The following PFKFB3 variants were observed in gnomAD, a reference collection of about 807,000 sequenced individuals.
PFKFB3 encodes the protein 6-phosphofructo-2-kinase/fructose-2,6-bisphosphatase 3.
Under a neutral mutation model 68.0 loss-of-function variants are expected in PFKFB3, and 33 were observed. That is an observed-to-expected ratio of 0.49 (90% CI 0.37 to 0.65). PFKFB3 has a LOEUF of 0.65. PFKFB3 is among the 30% of genes least tolerant of loss of function. The probability of loss-of-function intolerance (pLI) is 0.00; values close to 1 mark genes in which losing one functional copy is unlikely to be tolerated. For missense variants in PFKFB3, 586 were observed against 712.2 expected (o/e 0.82, Z 2.02); for synonymous variants, 315 against 288.2 (o/e 1.09, Z -0.94).
chr10:6,224,523 C>T (rs757757502), intron 13 of PFKFB3: 16 of 515,072 alleles, frequency 3.1e-5, no homozygotes, highest in South Asian at 2.5e-4. Context: ...GTCTGTTCCC[C>T]AGGCTGGAGT....
At chr10:6,227,861 G>A (rs1845457942) in intron 14 of PFKFB3, among the ~76,000 whole-genome samples, 1 of 152,154 alleles carries the variant, frequency 6.6e-6, no homozygotes, top group Admixed American at 6.6e-5. Flanking sequence ...GAACTGAAAT[G>A]GTGTCCCTGT....
downstream of PFKFB3, among the ~76,000 whole-genome samples, chr10:6,240,335 G>C (rs2132073174): frequency 6.6e-6 from 1 of 152,178 alleles, no homozygotes; most frequent in East Asian, 1.9e-4. Context: ...CACTATCTCG[G>C]CTCACTGGAA....
rs901164125 is a variant in PFKFB3, at chr10:6,228,683, G to A, written c.1515+2318G>A. Among the ~76,000 whole-genome samples, 8 of 71,644 alleles carry A rather than the reference G, an allele frequency of 1.1e-4. No homozygotes were observed. The highest frequency in any genetic ancestry group is 2.1e-4 in the Non-Finnish European group (5 of 23,450). The allele number at this position is 71,644 out of a possible 152,430, so 47.0% of individuals were successfully genotyped here. ...GCCTAATCTGTAAACCAAACCTATG[G>A]GGAATAGTGGGAGTGTGGTGGGGCC... On this transcript the variant is annotated intron_variant, in intron 14 of 14. Coordinates refer to ENST00000379775, the MANE Select transcript of PFKFB3 (RefSeq NM_004566.4). This position sits in a 1 kb window ranked among gnomAD's most constrained non-coding sequence, Gnocchi z 4.5.
the PFKFB3 span, among the ~76,000 whole-genome samples, chr10:6,318,285 T>G: frequency 2.0e-5 from 3 of 152,214 alleles, no homozygotes; most frequent in Non-Finnish European, 4.4e-5. Flanking sequence ...TCACTGTAAC[T>G]GGCTCCTCCG....
intron 1 of PFKFB3, among the ~76,000 whole-genome samples, chr10:6,183,618 T>A (rs200558050): frequency 0.013 from 1,119 of 88,584 alleles, 19 homozygotes; most frequent in African/African-American, 0.038. Context: ...AAAAAAAATA[T>A]ATATATATAT....
chr10:6,292,319 C>G, the PFKFB3 span, among the ~76,000 whole-genome samples: 1 of 116,640 alleles, frequency 8.6e-6, no homozygotes, highest in South Asian at 3.0e-4. Flanking sequence ...GAGTCTCACT[C>G]TGTCGCCCAG....
chr10:6,146,533 G>C (rs574001831), intron 1 of PFKFB3: 3 of 1,517,050 alleles, frequency 2.0e-6, no homozygotes, highest in South Asian at 2.4e-5. Context: ...GGGTTCTCTG[G>C]AGGCTCTCAG....
chr10:6,145,837 G>C, intron 1 of PFKFB3, among the ~76,000 whole-genome samples: 1 of 125,210 alleles, frequency 8.0e-6, no homozygotes, highest in East Asian at 2.1e-4. Flanking sequence ...CCGGCTACCT[G>C]GTGTTCCTAC....
chr10:6,218,303 A>G (rs1280585127), intron 6 of PFKFB3, among the ~76,000 whole-genome samples: 2 of 152,078 alleles, frequency 1.3e-5, no homozygotes, highest in Non-Finnish European at 2.9e-5. Context: ...CTTTCTGATG[A>G]AATCTCAAAG....
At chr10:6,223,201 G>T (rs2131994722) in intron 11 of PFKFB3, among the ~76,000 whole-genome samples, 1 of 152,336 alleles carries the variant, frequency 6.6e-6, no homozygotes, top group Non-Finnish European at 1.5e-5. Flanking sequence ...CCAGGTTGAT[G>T]CCGGGGACTT....
At chr10:6,210,327 CCT>C (rs77885970) in intron 1 of PFKFB3, among the ~76,000 whole-genome samples, 26,495 of 102,186 alleles carry the variant, frequency 0.26, 8,558 homozygotes, top group Non-Finnish European at 0.4. Flanking sequence ...CTCAGGCGCC[CCT>C]CTCTTTGTTT....
chr10:6,221,042 T>TGTGC (rs1844921980), intron 8 of PFKFB3, among the ~76,000 whole-genome samples, 177 bp downstream of exon 8: 1 of 27,158 alleles, frequency 3.7e-5, no homozygotes, highest in Non-Finnish European at 1.9e-4. Context: ...TGCATCTCTG[T>TGTGC]ATGGCTCTGT....
At chr10:6,183,969 T>C (rs796106313) in intron 1 of PFKFB3, among the ~76,000 whole-genome samples, 116 of 151,962 alleles carry the variant, frequency 7.6e-4, no homozygotes, top group African/African-American at 2.7e-3. Context: ...GGATTACAGG[T>C]GTGAGCCACC....
chr10:6,278,989 G>A, the PFKFB3 span, among the ~76,000 whole-genome samples: 4 of 152,198 alleles, frequency 2.6e-5, no homozygotes, highest in African/African-American at 4.8e-5. Context: ...ATAGGGCTGC[G>A]GCGAGAATTC....
chr10:6,209,851 G>A lies in PFKFB3; in HGVS notation c.77-3772G>A, dbSNP rs148059188. On this transcript the variant is annotated intron_variant, in intron 1 of 14. Transcript: ENST00000379775. ...GTGACCTTGGCTCACTGCAAGCTGC[G>A]CCTCCCAGGTTCACGCCATTCTCCT... Among the ~76,000 whole-genome samples the A allele has an allele frequency of 7.4e-3, 1,104 of 149,422 alleles. 13 individuals carry two copies. The highest frequency in any genetic ancestry group is 0.025 in the African/African-American group (1,027 of 40,350).
intron 14 of PFKFB3, chr10:6,254,055 T>G: frequency 1.3e-5 from 5 of 390,516 alleles, no homozygotes; most frequent in Non-Finnish European, 1.8e-5. Flanking sequence ...AAAAGGGTGA[T>G]GAGGAATGGA....
At chr10:6,206,576 A>ATGG (rs1843727074) in intron 1 of PFKFB3, among the ~76,000 whole-genome samples, 1 of 134,116 alleles carries the variant, frequency 7.5e-6, no homozygotes, top group Non-Finnish European at 1.6e-5. Flanking sequence ...CTGGCCGGGC[A>ATGG]GGGGCTGACC....
chr10:6,147,109 G>A (rs1215746354), intron 1 of PFKFB3, among the ~76,000 whole-genome samples: 1 of 152,152 alleles, frequency 6.6e-6, no homozygotes, highest in African/African-American at 2.4e-5. Flanking sequence ...GAGCCAGGCC[G>A]CGGCTGGGTT....
Position 6,233,086 on chromosome 10 carries a change from T to C in PFKFB3, c.*144T>C, listed in dbSNP as rs1300817171. 3 of 694,144 alleles carry C rather than the reference T, an allele frequency of 4.3e-6. No individual in the cohort carries two copies. The highest frequency in any genetic ancestry group is 7.7e-6 in the Non-Finnish European group (3 of 390,328). The allele number at this position is 694,144 out of a possible 1,614,324, so 43.0% of individuals were successfully genotyped here. On this transcript the variant is annotated 3_prime_UTR_variant, in exon 15 of 15. Transcript: ENST00000379775. ...GGGGAGCCTTGGCCGAAGAGAACCATGCTTGGCACCGTCTGTGTCCCCTCG... is the reference window on the plus strand; with the variant it reads ...GGGGAGCCTTGGCCGAAGAGAACCACGCTTGGCACCGTCTGTGTCCCCTCG...
Sources: allele counts gnomAD v4.1 joint callset (sites outside exome capture counted in the v4.1 genomes callset), GRCh38; gene constraint gnomAD v4.1.1; non-coding constraint Gnocchi (gnomAD v3.1); transcripts MANE v1.5; gene names NCBI Gene and HGNC (gene_info 2026-07-23, HGNC 2026-07-21).